The following KLHL31 variants were observed in gnomAD, a reference collection of about 807,000 sequenced individuals.
KLHL31 encodes kelch like family member 31, also known as kelch-like protein 31.
In KLHL31, 32 loss-of-function variants were observed where a neutral mutation model predicts 47.1. The observed-to-expected ratio is 0.68, with a 90% CI of 0.51 to 0.91. The LOEUF (loss-of-function observed/expected upper bound fraction) is 0.91, where lower values mean the gene tolerates loss of function less well. Ranked by LOEUF, KLHL31 falls within the 40% of genes least tolerant of loss-of-function variation. The pLI, the probability that KLHL31 is intolerant of heterozygous loss-of-function variation, is 0.00. For missense variants in KLHL31, 797 were observed against 819.3 expected, an observed-to-expected ratio of 0.97 and a Z score of 0.33; for synonymous variants, 330 against 325.1, an observed-to-expected ratio of 1.01 and a Z score of -0.16.
At chr6:53,661,050 A>G (rs1452081321) in intron 1 of KLHL31, among the ~76,000 whole-genome samples, 1 of 152,232 alleles carries the variant, frequency 6.6e-6, no homozygotes, top group East Asian at 1.9e-4. Context: ...CCTGGGGATC[A>G]GGATCATTGC....
chr6:53,658,100 A>G (rs1764596443), intron 1 of KLHL31, among the ~76,000 whole-genome samples: 4 of 152,342 alleles, frequency 2.6e-5, no homozygotes, highest in Middle Eastern at 6.8e-3. Context: ...CAGTTATCAG[A>G]TATCCATCTT....
chr6:53,662,691 A>G (rs372686585), intron 1 of KLHL31, among the ~76,000 whole-genome samples: 1 of 152,170 alleles, frequency 6.6e-6, no homozygotes, highest in Non-Finnish European at 1.5e-5. Context: ...ATGCAATTGC[A>G]CACTCCCCTC....
intron 1 of KLHL31, among the ~76,000 whole-genome samples, chr6:53,660,881 T>A (rs540065122): frequency 8.5e-5 from 13 of 152,310 alleles, no homozygotes; most frequent in African/African-American, 3.1e-4. Context: ...CGAATTTTCC[T>A]ATGTAAACTC....
Position 53,665,431 on chromosome 6 carries a change from TCTCCCAA to T in KLHL31, c.-34+163_-34+169del, listed in dbSNP as rs139844241. Among the ~76,000 whole-genome samples the T allele has an allele frequency of 7.8e-3, 1,190 of 152,282 alleles. 18 individuals are homozygous for T. The highest frequency in any genetic ancestry group is 0.027 in the African/African-American group (1,116 of 41,562). On this transcript the variant is annotated intron_variant, in intron 1 of 2. Transcript: ENST00000370905. ...TCAGATTTCAAAAAAATGTTTTCTGTCTCCCAACTTCAGATTAGGGACATGAACCACC... is the reference window on the plus strand; with the variant it reads ...TCAGATTTCAAAAAAATGTTTTCTGTCTTCAGATTAGGGACATGAACCACC...
intron 1 of KLHL31, among the ~76,000 whole-genome samples, chr6:53,660,138 A>G (rs1764624578): frequency 6.6e-6 from 1 of 152,152 alleles, no homozygotes; most frequent in South Asian, 2.1e-4. Flanking sequence ...TTTTGTAAAT[A>G]AGTGTCCTTC....
chr6:53,655,594 CTTTTTTCT>C (rs919513848), intron 1 of KLHL31, among the ~76,000 whole-genome samples: 1 of 130,448 alleles, frequency 7.7e-6, no homozygotes, highest in East Asian at 2.3e-4. Context: ...TTCTTTCTTT[CTTTTTTCT>C]TTTTTTCTTT....
At chr6:53,660,366 A>G (rs541495177) in intron 1 of KLHL31, among the ~76,000 whole-genome samples, 75 of 152,368 alleles carry the variant, frequency 4.9e-4, no homozygotes, top group Non-Finnish European at 8.5e-4. Context: ...ACTTATAGAT[A>G]GATACACATG....
In KLHL31 at chr6:53,651,421, A is replaced by AAAAAAAAAAAG; in HGVS notation, c.*176_*177insCTTTTTTTTTT. 1 of 364,532 alleles carries AAAAAAAAAAAG rather than the reference A, an allele frequency of 2.7e-6. No homozygotes were observed. Among genetic ancestry groups the AAAAAAAAAAAG allele is most frequent in the Non-Finnish European group, 4.9e-6 (1 of 202,106 alleles). The allele number at this position is 364,532 out of a possible 1,614,324, so 22.6% of individuals were successfully genotyped here. On this transcript the variant is annotated 3_prime_UTR_variant, in exon 3 of 3. Transcript: ENST00000370905. ...TGCTAAAAAAAAAAAAAAAAAAAAG[A>AAAAAAAAAAAG]GGTAGATTATGCCATACCAGGAATT...
At position 53,651,275 on chromosome 6, in the gene KLHL31, G is replaced by T. The variant is rs538365827; in HGVS notation, c.*323C>A. Reference sequence around the variant, plus strand: ...GTAGAGGAAAAAATCTCAAATGTGGGTGTAACCGCTATACATTTAGGAAAC... The same window carrying T: ...GTAGAGGAAAAAATCTCAAATGTGGTTGTAACCGCTATACATTTAGGAAAC... On this transcript the variant is annotated 3_prime_UTR_variant, in exon 3 of 3. Transcript: ENST00000370905. The T allele has an allele frequency of 5.9e-4, 127 of 213,934 alleles. No homozygotes were observed. Among genetic ancestry groups the T allele is most frequent in the South Asian group, 2.9e-3 (26 of 8,900 alleles). 13.3% of individuals were successfully genotyped at this position (213,934 alleles called of 1,614,324 possible).
chr6:53,654,665 G>T lies in KLHL31; in HGVS notation c.608C>A (p.Ala203Glu). The T allele has an allele frequency of 6.2e-7, 1 of 1,614,140 alleles. No individual in the cohort carries two copies. The highest frequency in any genetic ancestry group is 8.5e-7 in the Non-Finnish European group (1 of 1,180,018). The change falls in exon 2 of 3, where the codon GCA becomes GAA. Residue 203 changes from alanine to glutamate, a missense_variant. Physicochemically the swap from Ala to Glu is moderately radical, Grantham distance 107. Coordinates refer to ENST00000370905, the MANE Select transcript of KLHL31 (RefSeq NM_001003760.5). ...AAGTTTCATAAACTGATCCGATTCT[G>T]CAAATTCAAGGAAGTTATCCCGAAT... is the stretch of plus-strand genomic sequence containing the variant. ...KFIRDNFLEF[A>E]ESDQFMKLTF...
At chr6:53,652,364 C>A in intron 2 of KLHL31, 34 bp from the exon 3 acceptor site, 1 of 1,609,694 alleles carries the variant, frequency 6.2e-7, no homozygotes, top group South Asian at 1.1e-5. Context: ...ACAGCTTTGT[C>A]GGCGGCAGCT....
intron 1 of KLHL31, among the ~76,000 whole-genome samples, chr6:53,661,991 C>T (rs1390267587): frequency 6.6e-6 from 1 of 152,034 alleles, no homozygotes; most frequent in Non-Finnish European, 1.5e-5. Flanking sequence ...AGCTCTCTCT[C>T]TCTTTTTTCT....
Position 53,651,687 on chromosome 6 carries a change from C to T in KLHL31, c.1816G>A (p.Gly606Ser). 6.2e-7 allele frequency: 1 copy of T among 1,614,174 alleles called. No homozygotes were observed. The highest frequency in any genetic ancestry group is 8.5e-7 in the Non-Finnish European group (1 of 1,180,036). The change falls in exon 3 of 3, where the codon GGC becomes AGC. Residue 606 changes from glycine to serine, a missense_variant. Coordinates refer to ENST00000370905, the MANE Select transcript of KLHL31 (RefSeq NM_001003760.5). ...ATCGAGAGGGTGCAGCAGGACACGC[C>T]GACAGTGGCCTCGGGTAGCTCGTCG... ...EDDELPEATVGVSCCTLSMPN... is the reference protein window; with the variant it reads ...EDDELPEATVSVSCCTLSMPN...
intron 1 of KLHL31, among the ~76,000 whole-genome samples, chr6:53,664,008 A>G (rs1231246199): frequency 1.3e-5 from 2 of 152,192 alleles, no homozygotes; most frequent in Admixed American, 1.3e-4. Context: ...TGCTGTCAGA[A>G]TTGTCAAAAT....
In KLHL31 at chr6:53,651,752, A is replaced by G; in HGVS notation, c.1751T>C (p.Ile584Thr). ...NEGEKKYKKC[I>T]QCFSPELNEW... ...GTTGAGCTCGGGGCTGAAGCACTGG[A>G]TGCACTTCTTGTACTTCTTCTCGCC... The change falls in exon 3 of 3, where the codon ATC becomes ACC. Residue 584 changes from isoleucine to threonine, a missense_variant. By Grantham distance (89) the Ile-to-Thr change is moderately conservative. Coordinates refer to ENST00000370905, the MANE Select transcript of KLHL31 (RefSeq NM_001003760.5). 1 of 1,614,028 alleles carries G rather than the reference A, an allele frequency of 6.2e-7. No individual in the cohort carries two copies. The highest frequency in any genetic ancestry group is 8.5e-7 in the Non-Finnish European group (1 of 1,179,994).
At chr6:53,659,901 C>T (rs1764621370) in intron 1 of KLHL31, among the ~76,000 whole-genome samples, 1 of 152,186 alleles carries the variant, frequency 6.6e-6, no homozygotes. Flanking sequence ...TCTCTTTCCT[C>T]CATTGCCTGA....
intron 1 of KLHL31, among the ~76,000 whole-genome samples, chr6:53,655,948 T>A (rs1243189821): frequency 6.6e-6 from 1 of 152,180 alleles, no homozygotes; most frequent in Non-Finnish European, 1.5e-5. Flanking sequence ...AGTAGTTAAA[T>A]ATCATTTAAA....
intron 1 of KLHL31, among the ~76,000 whole-genome samples, chr6:53,663,084 T>TA (rs145956196): frequency 0.053 from 8,077 of 151,866 alleles, 287 homozygotes; most frequent in East Asian, 0.091. Flanking sequence ...TCAGAAAGAG[T>TA]AAAAAAAACT....
At position 53,650,530 on chromosome 6, in the gene KLHL31, A is replaced by G. The variant is rs1329117180; in HGVS notation, c.*1068T>C. ...AACAGGAGAACCCATTCATCCAGTT[A>G]CTACCAAATCTACAAATTCCAAATG... On this transcript the variant is annotated 3_prime_UTR_variant, in exon 3 of 3. Transcript: ENST00000370905. 6.6e-6 allele frequency: 1 copy of G among 152,250 alleles called. No individual in the cohort carries two copies. The highest frequency in any genetic ancestry group is 1.9e-4 in the East Asian group (1 of 5,204). The allele number at this position is 152,250 out of a possible 1,614,324, so 9.4% of individuals were successfully genotyped here. A position where few individuals can be genotyped will look rare whatever the true frequency, so the allele number is the denominator to read the frequency against.
Sources: allele counts gnomAD v4.1 joint callset (sites outside exome capture counted in the v4.1 genomes callset), GRCh38; gene constraint gnomAD v4.1.1; transcripts MANE v1.5; gene names NCBI Gene and HGNC (gene_info 2026-07-23, HGNC 2026-07-21).